The following OTOA variants were observed in gnomAD, a reference collection of about 807,000 sequenced individuals.
OTOA encodes the protein cancer/testis antigen 108.
In OTOA, 70 loss-of-function variants were observed where a neutral mutation model predicts 110.8. The observed-to-expected ratio is 0.63, with a 90% confidence interval of 0.52 to 0.77. The LOEUF (loss-of-function observed/expected upper bound fraction) is 0.77, where lower values mean the gene tolerates loss of function less well. Among genes scored for constraint, OTOA ranks in the 30% least tolerant of loss-of-function variants. The pLI is 0.00. For missense variants in OTOA, 917 were observed against 1,075.8 expected (o/e 0.85, Z 2.06); for synonymous variants, 373 against 431.5 (o/e 0.86, Z 1.68).
intron 6 of OTOA, among the ~76,000 whole-genome samples, chr16:21,682,722 A>C (rs1295916249): frequency 6.6e-6 from 1 of 152,220 alleles, no homozygotes; most frequent in East Asian, 1.9e-4. Flanking sequence ...AAAGTTATTC[A>C]GTTTAGCAAA....
chr16:21,683,208 A>G (rs1023213925), intron 6 of OTOA, among the ~76,000 whole-genome samples: 3 of 152,200 alleles, frequency 2.0e-5, no homozygotes, highest in Non-Finnish European at 4.4e-5. Context: ...TAATTAAGCC[A>G]TTATTCACCT....
At chr16:21,725,738 T>G (rs933286155) in intron 18 of OTOA, among the ~76,000 whole-genome samples, 2 of 152,156 alleles carry the variant, frequency 1.3e-5, no homozygotes, top group Non-Finnish European at 2.9e-5. Flanking sequence ...TGGGGTTGAG[T>G]AGGCCGGATG....
chr16:21,668,053 TTCTTTAAAA>T (rs1966844318), intron 1 of OTOA, among the ~76,000 whole-genome samples: 1 of 152,146 alleles, frequency 6.6e-6, no homozygotes, highest in Non-Finnish European at 1.5e-5. Flanking sequence ...TTAACAATAA[TTCTTTAAAA>T]TCTTCAAATA....
chr16:21,723,573 A>T (rs1019099216), intron 18 of OTOA, among the ~76,000 whole-genome samples: 3 of 152,234 alleles, frequency 2.0e-5, no homozygotes, highest in African/African-American at 7.2e-5. Flanking sequence ...GAGAGGGAAT[A>T]GACAAACATG....
In OTOA at chr16:21,715,112, C is replaced by A. The variant is rs374057233; in HGVS notation, c.1448C>A (p.Ser483Tyr). 9 of 1,614,086 alleles carry A rather than the reference C, an allele frequency of 5.6e-6. No individual in the cohort carries two copies. In the African/African-American group the frequency reaches 9.3e-5, roughly 17 times the overall value. The change falls in exon 14 of 29, where the codon TCC becomes TAC. Residue 483 changes from serine to tyrosine, a missense_variant. Ser to Tyr is a moderately radical substitution (Grantham distance 144). Around this residue, in one of 6 missense-constraint regions of OTOA, gnomAD observed 840 missense variants for 910.2 expected, o/e 0.92. Transcript: ENST00000646100. ...VLRSAVSQYV[S>Y]DLSPAQQQGI... ...AGAAGTGCCGTCTCCCAGTATGTAT[C>A]CGACTTGTCACCTGCCCAGCAGCAA...
intron 19 of OTOA, among the ~76,000 whole-genome samples, chr16:21,727,649 G>A (rs553699261): frequency 6.6e-6 from 1 of 152,232 alleles, no homozygotes; most frequent in South Asian, 2.1e-4. Context: ...GGTGCCAATA[G>A]TATAATGGTG....
chr16:21,666,544 T>A (rs938088062), intron 1 of OTOA, among the ~76,000 whole-genome samples: 2 of 152,158 alleles, frequency 1.3e-5, no homozygotes, highest in Admixed American at 6.5e-5. Flanking sequence ...AACCTTTTGG[T>A]CCCGGGCAAC....
chr16:21,722,834 G>C (rs1898798998), intron 17 of OTOA, 71 bp from the exon 18 acceptor site: 1 of 1,358,170 alleles, frequency 7.4e-7, no homozygotes, highest in South Asian at 1.2e-5. Context: ...AATAGTACCT[G>C]GCACATGGAA....
chr16:21,716,857 G>A (rs1898569446), intron 14 of OTOA, 50 bp from the exon 15 acceptor site: 1 of 1,610,686 alleles, frequency 6.2e-7, no homozygotes, highest in Non-Finnish European at 8.5e-7. Context: ...CTTCCTCAAA[G>A]CTCAATGCAT....
At chr16:21,684,493 A>C in intron 6 of OTOA, 2 of 1,549,146 alleles carry the variant, frequency 1.3e-6, no homozygotes, top group Non-Finnish European at 1.7e-6. Flanking sequence ...TGGGGTTCTA[A>C]ACTTCCTGGA....
chr16:21,714,407 TTC>T (rs892277056), intron 13 of OTOA, among the ~76,000 whole-genome samples: 2 of 148,372 alleles, frequency 1.3e-5, no homozygotes, highest in East Asian at 3.9e-4. Context: ...TTCTCTTTCT[TTC>T]TCTTTCTTTC....
chr16:21,679,271 TG>T (rs1299127339), intron 5 of OTOA, 60 bp downstream of exon 5: 2 of 1,543,216 alleles, frequency 1.3e-6, no homozygotes, highest in African/African-American at 2.7e-5. Flanking sequence ...AAATTCTTAA[TG>T]GAAGTCTCTT....
At chr16:21,708,027 G>A (rs1424417496) in intron 12 of OTOA, among the ~76,000 whole-genome samples, 1 of 151,716 alleles carries the variant, frequency 6.6e-6, no homozygotes, top group African/African-American at 2.4e-5. Context: ...TCTTAACCTC[G>A]TGATCCGCCT....
At chr16:21,665,635 G>C (rs1237616034) in intron 1 of OTOA, among the ~76,000 whole-genome samples, 1 of 152,128 alleles carries the variant, frequency 6.6e-6, no homozygotes, top group African/African-American at 2.4e-5. Flanking sequence ...GCTCATAGAG[G>C]ATGCTCAGTG....
At chr16:21,720,254 C>A (rs917183941) in intron 17 of OTOA, among the ~76,000 whole-genome samples, 1 of 152,150 alleles carries the variant, frequency 6.6e-6, no homozygotes, top group Non-Finnish European at 1.5e-5. Context: ...CTTCACCCAG[C>A]CAGTGACTGA....
At chr16:21,683,762 A>G (rs1397851651) in intron 6 of OTOA, among the ~76,000 whole-genome samples, 2 of 107,166 alleles carry the variant, frequency 1.9e-5, no homozygotes, top group African/African-American at 4.0e-5. Context: ...TTTCAGATAA[A>G]TAATGAGTGA....
At chr16:21,693,318 A>G (rs1190980641) in intron 9 of OTOA, among the ~76,000 whole-genome samples, 2 of 152,176 alleles carry the variant, frequency 1.3e-5, no homozygotes, top group Non-Finnish European at 2.9e-5. Flanking sequence ...AAGAATGGCT[A>G]TATAGATTAG....
chr16:21,681,856 C>G (rs1422678801), intron 6 of OTOA, 31 bp downstream of exon 6: 2 of 1,586,880 alleles, frequency 1.3e-6, no homozygotes, highest in Non-Finnish European at 1.7e-6. Flanking sequence ...TATATGTTCC[C>G]ATCTCAGTGC....
chr16:21,693,370 T>C (rs1216313842), intron 9 of OTOA, among the ~76,000 whole-genome samples: 1 of 152,188 alleles, frequency 6.6e-6, no homozygotes, highest in Non-Finnish European at 1.5e-5. Flanking sequence ...TTGTTAAACC[T>C]TTAATGTCAG....
Sources: gnomAD v4.1 joint callset for allele counts (sites outside exome capture counted in the v4.1 genomes callset) on GRCh38, gnomAD v4.1.1 for gene constraint, gnomAD v4.1.1 regional missense constraint, MANE v1.5 for transcripts, NCBI Gene and HGNC (gene_info 2026-07-23, HGNC 2026-07-21) for gene names.